SETD7: variants seen among roughly 807,000 people sequenced by gnomAD.
SETD7 encodes SET domain containing 7, histone lysine methyltransferase.
SETD7 carries 16 observed loss-of-function variants against 41.8 expected under a neutral mutation model. That is an observed-to-expected ratio of 0.38 (90% CI 0.26 to 0.58). The LOEUF is 0.58. Among genes scored for constraint, SETD7 ranks in the 20% least tolerant of loss-of-function variants. SETD7 has a pLI of 0.64. For missense variants in SETD7, 346 were observed against 459.7 expected, an observed-to-expected ratio of 0.75 and a Z score of 2.26; for synonymous variants, 163 against 169.7, an observed-to-expected ratio of 0.96 and a Z score of 0.31.
intron 3 of SETD7, among the ~76,000 whole-genome samples, chr4:139,531,757 C>G (rs1469399964): frequency 6.6e-6 from 1 of 152,136 alleles, no homozygotes; most frequent in Non-Finnish European, 1.5e-5. Flanking sequence ...CTGATCATTT[C>G]TTTTTATTAG....
rs764223217 is a variant in SETD7 at position 139,496,367 on chromosome 4, A to T, written c.1075T>A (p.Phe359Ile). The T allele has an allele frequency of 1.4e-5, 10 of 701,848 alleles. No individual in the cohort carries two copies. The South Asian group carries it at 1.5e-4, about 10-fold the overall frequency. 43.5% of individuals were successfully genotyped at this position (701,848 alleles called of 1,614,324 possible). A position where few individuals can be genotyped will look rare whatever the true frequency, so the allele number is the denominator to read the frequency against. The change falls in exon 8 of 8, where the codon TTC becomes ATC. Residue 359 changes from phenylalanine to isoleucine, a missense_variant. Physicochemically the swap from Phe to Ile is conservative, Grantham distance 21. Transcript: ENST00000506866. ...TTTATCTTTTCTTAATTACTCACGA[A>T]CATCATTATGAGCATCAGTCCTTGG... is the stretch of plus-strand genomic sequence containing the variant.
chr4:139,517,345 C>T (rs999605707), intron 7 of SETD7, among the ~76,000 whole-genome samples: 1 of 152,150 alleles, frequency 6.6e-6, no homozygotes, highest in East Asian at 1.9e-4. Flanking sequence ...TGCGGTGGCG[C>T]ATGCCTGTAA....
intron 2 of SETD7, among the ~76,000 whole-genome samples, chr4:139,538,212 A>G (rs1727691608): frequency 6.6e-6 from 1 of 152,396 alleles, no homozygotes; most frequent in East Asian, 1.9e-4. Flanking sequence ...TACCTCTAAA[A>G]AAAAGCAATA....
chr4:139,523,965 A>C (rs532643865), intron 4 of SETD7, among the ~76,000 whole-genome samples: 50 of 152,244 alleles, frequency 3.3e-4, no homozygotes, highest in Non-Finnish European at 6.2e-4. Context: ...GAAGCCAATT[A>C]GTAATTTACT....
chr4:139,553,810 G>C (rs1346071848), intron 1 of SETD7, among the ~76,000 whole-genome samples: 1 of 152,220 alleles, frequency 6.6e-6, no homozygotes, highest in Non-Finnish European at 1.5e-5. Flanking sequence ...AGATTAGTTG[G>C]TACTTAAACA....
intron 1 of SETD7, among the ~76,000 whole-genome samples, chr4:139,549,666 T>A (rs758034107): frequency 6.6e-6 from 1 of 152,060 alleles, no homozygotes; most frequent in Non-Finnish European, 1.5e-5. Context: ...AGTGCAGTGA[T>A]GAGACCATAG....
At chr4:139,499,361 G>A (rs1362685464) in intron 7 of SETD7, among the ~76,000 whole-genome samples, 2 of 152,188 alleles carry the variant, frequency 1.3e-5, no homozygotes, top group African/African-American at 2.4e-5. Flanking sequence ...CATAGGCTGA[G>A]TTAAACAATG....
chr4:139,550,761 CAG>C (rs1386245103), intron 1 of SETD7, among the ~76,000 whole-genome samples: 1 of 152,070 alleles, frequency 6.6e-6, no homozygotes, highest in Non-Finnish European at 1.5e-5. Context: ...TACTGATAAA[CAG>C]AGGAGAAAAA....
chr4:139,544,968 A>G (rs927211738), intron 2 of SETD7, among the ~76,000 whole-genome samples: 4 of 152,170 alleles, frequency 2.6e-5, no homozygotes, highest in Admixed American at 6.5e-5. Flanking sequence ...GATGTAATAG[A>G]CACAGATTCT....
downstream of SETD7, among the ~76,000 whole-genome samples, chr4:139,495,534 G>T (rs1175922520): frequency 1.3e-5 from 2 of 152,212 alleles, no homozygotes; most frequent in Non-Finnish European, 2.9e-5. Flanking sequence ...AAGGCAAAGA[G>T]GAAGCAGGCA....
At chr4:139,526,037 G>GT (rs1579210441) in intron 4 of SETD7, among the ~76,000 whole-genome samples, 1 of 128,364 alleles carries the variant, frequency 7.8e-6, no homozygotes, top group East Asian at 2.3e-4. Context: ...TTTTGTTGTT[G>GT]TTGTTTGTTT....
chr4:139,526,115 A>G (rs1417953998), intron 4 of SETD7, among the ~76,000 whole-genome samples: 2 of 152,042 alleles, frequency 1.3e-5, no homozygotes, highest in Non-Finnish European at 2.9e-5. Context: ...CAGTGGTGCT[A>G]TCTTGGCTCA....
chr4:139,519,808 A>G (rs894329029), intron 6 of SETD7, among the ~76,000 whole-genome samples: 3 of 152,386 alleles, frequency 2.0e-5, no homozygotes, highest in East Asian at 1.9e-4. Context: ...AGCCTTTGAC[A>G]TATATCAAAG....
chr4:139,543,983 C>CAAACAAAG (rs1311200841), intron 2 of SETD7, among the ~76,000 whole-genome samples: 4 of 151,136 alleles, frequency 2.6e-5, no homozygotes, highest in Non-Finnish European at 5.9e-5. Context: ...AACAAACAAA[C>CAAACAAAG]AAACAAAAAT....
intron 2 of SETD7, among the ~76,000 whole-genome samples, chr4:139,534,103 T>A (rs1727569475): frequency 6.6e-6 from 1 of 152,108 alleles, no homozygotes. Flanking sequence ...AGACCCACGG[T>A]CCTATACCAG....
At chr4:139,503,625 G>A (rs941311952), downstream of SETD7, among the ~76,000 whole-genome samples, 1 of 150,318 alleles carries the variant, frequency 6.7e-6, no homozygotes, top group East Asian at 1.9e-4. Context: ...CAGCCCCCCT[G>A]ATAAATTCTC....
intron 6 of SETD7, among the ~76,000 whole-genome samples, chr4:139,518,566 T>A (rs1241792322): frequency 6.6e-6 from 1 of 152,176 alleles, no homozygotes; most frequent in Non-Finnish European, 1.5e-5. Context: ...TTTTTCCTTG[T>A]TCTATATGAA....
At chr4:139,532,979 A>G in intron 3 of SETD7, 186 bp downstream of exon 3, 2 of 600,054 alleles carry the variant, frequency 3.3e-6, no homozygotes, top group Non-Finnish European at 3.0e-6. Flanking sequence ...AACGGATTCA[A>G]GGGCCAACAA....
At chr4:139,548,306 G>C (rs1466809932) in intron 1 of SETD7, among the ~76,000 whole-genome samples, 1 of 152,098 alleles carries the variant, frequency 6.6e-6, no homozygotes, top group African/African-American at 2.4e-5. Flanking sequence ...ATTAGCCCTT[G>C]GAAAAGATGG....
Sources: gnomAD v4.1 joint callset for allele counts (sites outside exome capture counted in the v4.1 genomes callset) on GRCh38, gnomAD v4.1.1 for gene constraint, MANE v1.5 for transcripts, NCBI Gene and HGNC (gene_info 2026-07-23, HGNC 2026-07-21) for gene names.